CLMP: variants seen among roughly 807,000 people sequenced by gnomAD.
CLMP encodes CXADR-like membrane protein.
Under a neutral mutation model 45.2 loss-of-function variants are expected in CLMP, and 27 were observed. The ratio of observed to expected loss-of-function variants is 0.60; its 90% CI spans 0.44 to 0.82. The LOEUF is 0.82. CLMP is among the 40% of genes least tolerant of loss of function. The pLI is 0.00. For missense variants in CLMP, 403 were observed against 448.4 expected, an observed-to-expected ratio of 0.90 and a Z score of 0.91; for synonymous variants, 167 against 171.4, an observed-to-expected ratio of 0.97 and a Z score of 0.20.
chr11:123,082,076 CAT>C (rs1466015920), intron 5 of CLMP, among the ~76,000 whole-genome samples: 1 of 152,198 alleles, frequency 6.6e-6, no homozygotes, highest in Admixed American at 6.5e-5. Flanking sequence ...GATTATAACA[CAT>C]GTACACACGT....
At chr11:123,094,467 A>T (rs1269332580) in intron 2 of CLMP, among the ~76,000 whole-genome samples, 1 of 152,098 alleles carries the variant, frequency 6.6e-6, no homozygotes, top group Non-Finnish European at 1.5e-5. Context: ...CAATTTGTTC[A>T]CTATGTTTGT....
At chr11:123,126,969 T>C (rs188713321) in intron 1 of CLMP, among the ~76,000 whole-genome samples, 197 of 151,958 alleles carry the variant, frequency 1.3e-3, no homozygotes, top group African/African-American at 4.5e-3. Context: ...AAAAGACTCA[T>C]AGTAATGAGA....
chr11:123,088,816 G>A (rs1865894610), intron 2 of CLMP, among the ~76,000 whole-genome samples: 1 of 152,042 alleles, frequency 6.6e-6, no homozygotes, highest in Admixed American at 6.6e-5. Context: ...TAGAGACGGG[G>A]TTTTACCATG....
intron 2 of CLMP, among the ~76,000 whole-genome samples, chr11:123,086,753 G>A (rs1324943642): frequency 6.6e-6 from 1 of 152,140 alleles, no homozygotes; most frequent in African/African-American, 2.4e-5. Context: ...GGTGGTTCAC[G>A]CCTGTAATCC....
At chr11:123,091,008 T>C (rs1865926199) in intron 2 of CLMP, among the ~76,000 whole-genome samples, 1 of 152,218 alleles carries the variant, frequency 6.6e-6, no homozygotes. Context: ...CTAAGTCTGA[T>C]TAAACTGCGA....
chr11:123,094,051 A>T (rs1021538302), intron 2 of CLMP, among the ~76,000 whole-genome samples: 8 of 152,206 alleles, frequency 5.3e-5, no homozygotes, highest in African/African-American at 2.4e-5. Flanking sequence ...TTATTTATGA[A>T]GGTAATACAG....
At chr11:123,117,780 C>T (rs1591464988) in intron 1 of CLMP, among the ~76,000 whole-genome samples, 1 of 152,280 alleles carries the variant, frequency 6.6e-6, no homozygotes, top group East Asian at 1.9e-4. Context: ...GCGTGCCACC[C>T]TGATAATAAA....
chr11:123,106,548 G>A (rs1020089741), intron 1 of CLMP, among the ~76,000 whole-genome samples: 1 of 152,128 alleles, frequency 6.6e-6, no homozygotes, highest in Non-Finnish European at 1.5e-5. Flanking sequence ...CTGGACTTGA[G>A]TAGTGGCTGT....
intron 1 of CLMP, among the ~76,000 whole-genome samples, chr11:123,098,525 GC>G (rs1866016826): frequency 6.6e-6 from 1 of 151,792 alleles, no homozygotes; most frequent in South Asian, 2.1e-4. Flanking sequence ...ACTGTGCCCG[GC>G]CTGTTTGTTT....
chr11:123,162,868 G>A lies in CLMP; in HGVS notation c.28+32045C>T, dbSNP rs566086183. Among the ~76,000 whole-genome samples, 10 of 151,520 alleles carry A rather than the reference G, an allele frequency of 6.6e-5. No individual in the cohort carries two copies. The East Asian group carries it at 9.7e-4, about 15-fold the overall frequency. ...GCCTGTGAGTCAAGACGGCACCACC[G>A]CACTCCAGCCTGGGTGATAGAGTGA... is the stretch of plus-strand genomic sequence containing the variant. On this transcript the variant is annotated intron_variant, in intron 1 of 6. Coordinates refer to ENST00000448775, the MANE Select transcript of CLMP (RefSeq NM_024769.5).
In CLMP at chr11:123,195,194, A is replaced by G. The variant is rs3132824; in HGVS notation, c.-254T>C. 272,468 of 272,468 alleles carry G rather than the reference A, an allele frequency of 1. 136,234 individuals carry two copies. The highest frequency in any genetic ancestry group is 1 in the Non-Finnish European group (147,034 of 147,034). The allele number at this position is 272,468 out of a possible 1,614,324, so 16.9% of individuals were successfully genotyped here. On this transcript the variant is annotated 5_prime_UTR_variant, in exon 1 of 7. Coordinates refer to ENST00000448775, the MANE Select transcript of CLMP (RefSeq NM_024769.5). ...GGGTCAGGGAGGAAAACGCGAGGCG[A>G]AAAGGCGCTACCGCTTCGTGGAACA... is the stretch of plus-strand genomic sequence containing the variant.
intron 1 of CLMP, among the ~76,000 whole-genome samples, chr11:123,123,965 T>C (rs1443492059): frequency 6.6e-6 from 1 of 151,718 alleles, no homozygotes; most frequent in Non-Finnish European, 1.5e-5. Flanking sequence ...CTCTGGATGA[T>C]TGGGTGGGAA....
At chr11:123,150,481 A>AAGAAAGAAAGAAAGAAAG (rs1565397448) in intron 1 of CLMP, among the ~76,000 whole-genome samples, 2 of 89,582 alleles carry the variant, frequency 2.2e-5, no homozygotes, top group Admixed American at 1.1e-4. Flanking sequence ...GAAAGAAAGA[A>AAGAAAGAAAGAAAGAAAG]AGGAAGGAAG....
chr11:123,119,232 C>A (rs141506125), intron 1 of CLMP, among the ~76,000 whole-genome samples: 2,051 of 151,736 alleles, frequency 0.014, 49 homozygotes, highest in African/African-American at 0.047. Context: ...TACAGGCACG[C>A]GCCACCACAC....
rs558294150 is a variant in CLMP, at chr11:123,074,977, C to T, written c.680-134G>A. 7.1e-5 allele frequency: 70 copies of T among 983,818 alleles called. 1 individual carries two copies. The Middle Eastern group carries it at 1.3e-3, about 18-fold the overall frequency. 60.9% of individuals were successfully genotyped at this position (983,818 alleles called of 1,614,324 possible). ...TTGTTTTGTTTTTTTTTTTTTGAGA[C>T]GGAGTTTCACTCTTGTTGCCCAGGC... On this transcript the variant is annotated intron_variant, in intron 5 of 6. Coordinates refer to ENST00000448775, the MANE Select transcript of CLMP (RefSeq NM_024769.5).
At chr11:123,152,946 G>A (rs1248128339) in intron 1 of CLMP, among the ~76,000 whole-genome samples, 1 of 152,158 alleles carries the variant, frequency 6.6e-6, no homozygotes, top group Non-Finnish European at 1.5e-5. Flanking sequence ...GGGAGAGAAG[G>A]ATGTTGGATA....
intron 1 of CLMP, among the ~76,000 whole-genome samples, chr11:123,104,499 C>T (rs986911466): frequency 1.3e-5 from 2 of 152,054 alleles, no homozygotes; most frequent in Non-Finnish European, 2.9e-5. Flanking sequence ...ATTCTCCTGC[C>T]TCAGCCTTTC....
intron 1 of CLMP, among the ~76,000 whole-genome samples, chr11:123,119,410 A>G (rs896332724): frequency 5.9e-5 from 9 of 152,094 alleles, no homozygotes; most frequent in Non-Finnish European, 1.3e-4. Context: ...CAGAGCATCA[A>G]ACCAGTTCTG....
At chr11:123,166,402 G>A (rs1861556671) in intron 1 of CLMP, among the ~76,000 whole-genome samples, 1 of 152,240 alleles carries the variant, frequency 6.6e-6, no homozygotes, top group African/African-American at 2.4e-5. Context: ...TTGTGTATCA[G>A]CCTGACGGCT....
Sources: allele counts gnomAD v4.1 joint callset (sites outside exome capture counted in the v4.1 genomes callset), GRCh38; gene constraint gnomAD v4.1.1; transcripts MANE v1.5; gene names NCBI Gene and HGNC (gene_info 2026-07-23, HGNC 2026-07-21).